Variants in EPHB2 observed in about 807,000 individuals in gnomAD.
EPHB2 encodes EPH receptor B2, also known as ephrin type-B receptor 2.
EPHB2 carries 18 observed loss-of-function variants against 96.4 expected under a neutral mutation model. That is an observed-to-expected ratio of 0.19 (90% CI 0.13 to 0.28). The LOEUF is 0.28. Among genes scored for constraint, EPHB2 ranks in the 10% least tolerant of loss-of-function variants. The pLI, the probability that EPHB2 is intolerant of heterozygous loss-of-function variation, is 1.00. For missense variants in EPHB2, 989 were observed against 1,355.4 expected (o/e 0.73, Z 4.25); for synonymous variants, 506 against 534.1 (o/e 0.95, Z 0.72).
chr1:22,868,073 A>T (rs1243325966), intron 5 of EPHB2, among the ~76,000 whole-genome samples: 2 of 151,974 alleles, frequency 1.3e-5, no homozygotes, highest in African/African-American at 2.4e-5. Context: ...GTTGCGGGGA[A>T]CTCTCCTACA....
chr1:22,915,292 G>T lies in EPHB2; in HGVS notation c.*1722G>T, dbSNP rs959506372. The T allele has an allele frequency of 1.3e-5, 2 of 152,184 alleles. No homozygotes were observed. The highest frequency in any genetic ancestry group is 4.8e-5 in the African/African-American group (2 of 41,434). 9.4% of individuals were successfully genotyped at this position (152,184 alleles called of 1,614,324 possible). A position where few individuals can be genotyped will look rare whatever the true frequency, so the allele number is the denominator to read the frequency against. Reference sequence around the variant, plus strand: ...GACACCCAAGCAGAGCAATCAGTTAGTGAATTGAATGGAAATAAACGCTTT... The same window carrying T: ...GACACCCAAGCAGAGCAATCAGTTATTGAATTGAATGGAAATAAACGCTTT... On this transcript the variant is annotated 3_prime_UTR_variant, in exon 16 of 16. Transcript: ENST00000374630.
intron 3 of EPHB2, among the ~76,000 whole-genome samples, chr1:22,803,918 GAA>G (rs10711518): frequency 1.1e-4 from 17 of 148,938 alleles, no homozygotes; most frequent in East Asian, 4.0e-4. Flanking sequence ...TGTCTCAAGA[GAA>G]AAAAAAAAAG....
At chr1:22,847,604 G>A (rs1239392701) in intron 3 of EPHB2, among the ~76,000 whole-genome samples, 1 of 152,180 alleles carries the variant, frequency 6.6e-6, no homozygotes, top group Non-Finnish European at 1.5e-5. Context: ...GGGGCCCAGG[G>A]CCCAGGCAGG....
intron 3 of EPHB2, among the ~76,000 whole-genome samples, chr1:22,845,569 A>G (rs1265807652): frequency 1.3e-5 from 2 of 152,166 alleles, no homozygotes; most frequent in African/African-American, 2.4e-5. Flanking sequence ...GCTAGAGCTA[A>G]GTGCTTGTCA....
intron 6 of EPHB2, among the ~76,000 whole-genome samples, chr1:22,883,502 C>T (rs546731163): frequency 2.0e-5 from 3 of 152,328 alleles, no homozygotes; most frequent in South Asian, 4.1e-4. Context: ...AAAGGCATCG[C>T]GGGGCTTCCA....
At chr1:22,816,751 A>G (rs1257491349) in intron 3 of EPHB2, among the ~76,000 whole-genome samples, 3 of 152,214 alleles carry the variant, frequency 2.0e-5, no homozygotes, top group Non-Finnish European at 4.4e-5. Flanking sequence ...TGAAGGTCAG[A>G]TGAGATGATG....
At chr1:22,795,798 C>A (rs936328297) in intron 3 of EPHB2, among the ~76,000 whole-genome samples, 2 of 152,172 alleles carry the variant, frequency 1.3e-5, no homozygotes, top group Admixed American at 1.3e-4. Context: ...GCTGCAGGCT[C>A]CTAGACCTGG....
intron 1 of EPHB2, among the ~76,000 whole-genome samples, chr1:22,753,158 A>G (rs1489075218): frequency 1.3e-5 from 2 of 152,110 alleles, no homozygotes; most frequent in Non-Finnish European, 2.9e-5. Flanking sequence ...GCATTGTGGT[A>G]TGGAAGAAAG....
Position 22,914,744 on chromosome 1 carries a change from C to G in EPHB2, c.*1174C>G, listed in dbSNP as rs1640221326. The G allele has an allele frequency of 6.6e-6, 1 of 152,602 alleles. No individual in the cohort carries two copies. The highest frequency in any genetic ancestry group is 1.5e-5 in the Non-Finnish European group (1 of 68,042). 9.5% of individuals were successfully genotyped at this position (152,602 alleles called of 1,614,324 possible). A position where few individuals can be genotyped will look rare whatever the true frequency, so the allele number is the denominator to read the frequency against. Reference sequence around the variant, plus strand: ...TCCCTCCTCCCACCTGCCACCAGGCCTCACCAAAGCCCACTGCCATGGGGC... The same window carrying G: ...TCCCTCCTCCCACCTGCCACCAGGCGTCACCAAAGCCCACTGCCATGGGGC... On this transcript the variant is annotated 3_prime_UTR_variant, in exon 16 of 16. Transcript: ENST00000374630.
chr1:22,738,281 C>T lies in EPHB2; in HGVS notation c.61+27238C>T, dbSNP rs117018545. Among the ~76,000 whole-genome samples the T allele has an allele frequency of 1.7e-3, 260 of 152,252 alleles. 6 individuals carry two copies. The East Asian group carries it at 0.048, about 28-fold the overall frequency. On this transcript the variant is annotated intron_variant, in intron 1 of 15. Coordinates refer to ENST00000374630, the MANE Select transcript of EPHB2 (RefSeq NM_017449.5). ...TTTGTATTCCTGGCTCTGTGCTTAT[C>T]TGTGTTGATGGTCTTTCCAAAGCCA...
At position 22,916,205 on chromosome 1, in the gene EPHB2, T is replaced by C. The variant is rs2124166103; in HGVS notation, c.*2635T>C. On this transcript the variant is annotated 3_prime_UTR_variant, in exon 16 of 16. Coordinates refer to ENST00000374630, the MANE Select transcript of EPHB2 (RefSeq NM_017449.5). The surrounding 1 kb of genome is among the most constrained non-coding windows in gnomAD (Gnocchi z 4.2). ...GGGAGCTGCCCTGATGCTCTTTAGA[T>C]TAGTTCTGTCTCCCCAGCCCACCCC... 6.6e-6 allele frequency: 1 copy of C among 152,380 alleles called. No homozygotes were observed. The highest frequency in any genetic ancestry group is 6.5e-5 in the Admixed American group (1 of 15,302). The allele number at this position is 152,380 out of a possible 1,614,324, so 9.4% of individuals were successfully genotyped here. A position where few individuals can be genotyped will look rare whatever the true frequency, so the allele number is the denominator to read the frequency against.
intron 1 of EPHB2, among the ~76,000 whole-genome samples, chr1:22,748,953 C>T (rs1256051483): frequency 1.3e-5 from 2 of 150,778 alleles, no homozygotes; most frequent in African/African-American, 2.4e-5. Context: ...GGCTACACGT[C>T]ATGGGCCCTC....
chr1:22,796,311 G>A (rs374687588), intron 3 of EPHB2, among the ~76,000 whole-genome samples: 14 of 152,046 alleles, frequency 9.2e-5, no homozygotes, highest in East Asian at 3.9e-4. Context: ...CCTGCGGGGT[G>A]GGCTGGCCTG....
chr1:22,733,656 T>A lies in EPHB2; in HGVS notation c.61+22613T>A, dbSNP rs180989466. On this transcript the variant is annotated intron_variant, in intron 1 of 15. Coordinates refer to ENST00000374630, the MANE Select transcript of EPHB2 (RefSeq NM_017449.5). This position sits in a 1 kb window ranked among gnomAD's most constrained non-coding sequence, Gnocchi z 4.6. Reference sequence around the variant, plus strand: ...AGAGGAAAACTGAATCTCTGAGAGGTTCAGTAAATTGCCCAAGGCCACATA... The same window carrying A: ...AGAGGAAAACTGAATCTCTGAGAGGATCAGTAAATTGCCCAAGGCCACATA... Among the ~76,000 whole-genome samples, 16 of 152,202 alleles carry A rather than the reference T, an allele frequency of 1.1e-4. No homozygotes were observed. The highest frequency in any genetic ancestry group is 1.8e-4 in the Non-Finnish European group (12 of 68,000).
chr1:22,814,934 C>A (rs1645051345), intron 3 of EPHB2, among the ~76,000 whole-genome samples: 1 of 152,216 alleles, frequency 6.6e-6, no homozygotes. Context: ...CGGCTCTGTG[C>A]CTGTAACCAT....
intron 3 of EPHB2, among the ~76,000 whole-genome samples, chr1:22,850,929 G>T (rs1339307923): frequency 6.6e-6 from 1 of 152,208 alleles, no homozygotes; most frequent in Non-Finnish European, 1.5e-5. Flanking sequence ...GGCGGGTGGA[G>T]GGGAGTTCAG....
intron 3 of EPHB2, among the ~76,000 whole-genome samples, chr1:22,848,035 C>T (rs1207096473): frequency 6.6e-6 from 1 of 152,196 alleles, no homozygotes; most frequent in Non-Finnish European, 1.5e-5. Flanking sequence ...TGCCTAGTGC[C>T]TGACACAGAG....
At chr1:22,847,490 G>C (rs1645560746) in intron 3 of EPHB2, among the ~76,000 whole-genome samples, 1 of 152,244 alleles carries the variant, frequency 6.6e-6, no homozygotes, top group Non-Finnish European at 1.5e-5. Context: ...AAGGGCTCAA[G>C]ACCTAGGGAA....
chr1:22,908,891 A>T (rs542960321), intron 12 of EPHB2, 131 bp from the exon 13 acceptor site: 5 of 1,410,214 alleles, frequency 3.5e-6, no homozygotes, highest in South Asian at 2.5e-5. Flanking sequence ...CTGAAGCTGC[A>T]TGGTAAGTTT....
Sources: gnomAD v4.1 joint callset for allele counts (sites outside exome capture counted in the v4.1 genomes callset) on GRCh38, gnomAD v4.1.1 for gene constraint, Gnocchi (gnomAD v3.1) non-coding constraint, MANE v1.5 for transcripts, NCBI Gene and HGNC (gene_info 2026-07-23, HGNC 2026-07-21) for gene names.